The following NRG3 variants were observed in gnomAD, a reference collection of about 807,000 sequenced individuals.
NRG3 encodes neuregulin 3.
Under a neutral mutation model 66.9 loss-of-function variants are expected in NRG3, and 31 were observed. The observed-to-expected ratio is 0.46, with a 90% CI of 0.35 to 0.63. The LOEUF (loss-of-function observed/expected upper bound fraction) is 0.63, where lower values mean the gene tolerates loss of function less well. NRG3 is among the 20% of genes least tolerant of loss of function. The pLI is 0.00. For missense variants in NRG3, 910 were observed against 878.9 expected (o/e 1.04, Z -0.45); for synonymous variants, 393 against 359.4 (o/e 1.09, Z -1.06).
chr10:81,984,405 G>A (rs570009793), intron 1 of NRG3, among the ~76,000 whole-genome samples: 1 of 152,038 alleles, frequency 6.6e-6, no homozygotes, highest in Non-Finnish European at 1.5e-5. Flanking sequence ...TTCCGTATTT[G>A]CATCATGCTC....
rs1403534912 is a variant in NRG3 at position 82,986,608 on chromosome 10, C to T, written c.*1003C>T. 3 of 152,174 alleles carry T rather than the reference C, an allele frequency of 2.0e-5. No homozygotes were observed. The highest frequency in any genetic ancestry group is 1.5e-5 in the Non-Finnish European group (1 of 68,042). 9.4% of individuals were successfully genotyped at this position (152,174 alleles called of 1,614,324 possible). A position where few individuals can be genotyped will look rare whatever the true frequency, so the allele number is the denominator to read the frequency against. Reference sequence around the variant, plus strand: ...TCAGTTAGTTCTTAAATCAAGGTCACTTGCATGGTGGGGTCGTATAAAACT... The same window carrying T: ...TCAGTTAGTTCTTAAATCAAGGTCATTTGCATGGTGGGGTCGTATAAAACT... On this transcript the variant is annotated 3_prime_UTR_variant, in exon 9 of 9. Coordinates refer to ENST00000372141, the MANE Select transcript of NRG3 (RefSeq NM_001010848.4).
chr10:82,344,557 G>A (rs199708560), intron 1 of NRG3, among the ~76,000 whole-genome samples: 43,884 of 133,770 alleles, frequency 0.33, 10,568 homozygotes, highest in African/African-American at 0.68. Flanking sequence ...AGCATGATTT[G>A]TAGTCCTTTG....
intron 1 of NRG3, among the ~76,000 whole-genome samples, chr10:82,152,049 T>G (rs915348162): frequency 3.9e-5 from 6 of 152,172 alleles, no homozygotes; most frequent in African/African-American, 1.4e-4. Context: ...GTTGGCAAAC[T>G]TTTTCTGTAA....
At chr10:82,852,298 T>G (rs188059645) in intron 3 of NRG3, among the ~76,000 whole-genome samples, 312 of 151,552 alleles carry the variant, frequency 2.1e-3, no homozygotes, top group African/African-American at 7.2e-3. Context: ...GTCAGGGGCG[T>G]AGGGGGAAAG....
intron 1 of NRG3, among the ~76,000 whole-genome samples, chr10:81,938,720 T>G (rs1427957912): frequency 1.3e-5 from 2 of 151,866 alleles, no homozygotes; most frequent in Non-Finnish European, 2.9e-5. Context: ...TCATTTCACT[T>G]CTTCCTTTTC....
At chr10:81,918,382 G>A (rs946619412) in intron 1 of NRG3, among the ~76,000 whole-genome samples, 1 of 152,140 alleles carries the variant, frequency 6.6e-6, no homozygotes, top group Non-Finnish European at 1.5e-5. Flanking sequence ...ATATCTCTCT[G>A]TTATATGGGC....
intron 1 of NRG3, among the ~76,000 whole-genome samples, chr10:82,097,291 A>G (rs988428701): frequency 6.6e-6 from 1 of 150,578 alleles, no homozygotes; most frequent in African/African-American, 2.5e-5. Context: ...GTGATATTCA[A>G]TTGTATCTTT....
At chr10:81,956,512 A>T (rs1849847864) in intron 1 of NRG3, among the ~76,000 whole-genome samples, 1 of 152,182 alleles carries the variant, frequency 6.6e-6, no homozygotes, top group Non-Finnish European at 1.5e-5. Context: ...ATTGCAAGAT[A>T]ATGCATTAGC....
chr10:82,367,309 A>AT (rs2084598164), intron 2 of NRG3, among the ~76,000 whole-genome samples: 1 of 152,202 alleles, frequency 6.6e-6, no homozygotes, highest in Admixed American at 6.5e-5. Context: ...TAGCTATGCA[A>AT]AACCTAAAAT....
intron 3 of NRG3, among the ~76,000 whole-genome samples, chr10:82,849,355 G>A (rs1431584456): frequency 6.6e-6 from 1 of 152,118 alleles, no homozygotes; most frequent in Non-Finnish European, 1.5e-5. Flanking sequence ...CCACCTTCCA[G>A]AACTGAGAGA....
chr10:81,913,084 GA>G (rs35922207), intron 1 of NRG3, among the ~76,000 whole-genome samples: 4,725 of 151,948 alleles, frequency 0.031, 274 homozygotes, highest in African/African-American at 0.11. Context: ...GACCATTGGG[GA>G]AAAAAAGTCA....
chr10:81,930,628 G>C (rs1216893928), intron 1 of NRG3, among the ~76,000 whole-genome samples: 1 of 152,092 alleles, frequency 6.6e-6, no homozygotes, highest in Non-Finnish European at 1.5e-5. Context: ...TTTATTACTT[G>C]TCCCAAGGTA....
chr10:82,560,707 ATGGCT>A (rs1314363119), intron 2 of NRG3, among the ~76,000 whole-genome samples: 2 of 151,100 alleles, frequency 1.3e-5, no homozygotes, highest in Admixed American at 6.6e-5. Context: ...CATAATAGAA[ATGGCT>A]TTAGTATTTT....
intron 2 of NRG3, among the ~76,000 whole-genome samples, chr10:82,652,415 T>C (rs1476258869): frequency 1.3e-5 from 2 of 152,024 alleles, no homozygotes; most frequent in Non-Finnish European, 2.9e-5. Flanking sequence ...GAAGGGGAGC[T>C]GAAAAGGGGA....
intron 1 of NRG3, among the ~76,000 whole-genome samples, chr10:82,170,210 A>G (rs914214494): frequency 1.3e-5 from 2 of 152,018 alleles, no homozygotes; most frequent in Non-Finnish European, 2.9e-5. Context: ...TTCCTGGCCT[A>G]TGGGTTTCTG....
At chr10:82,774,982 A>T (rs900942286) in intron 3 of NRG3, among the ~76,000 whole-genome samples, 3 of 151,628 alleles carry the variant, frequency 2.0e-5, no homozygotes, top group Admixed American at 6.6e-5. Flanking sequence ...GCTTGCCACC[A>T]TGCCAGGCTA....
chr10:82,018,773 G>T (rs4469831), intron 1 of NRG3, among the ~76,000 whole-genome samples: 84,974 of 142,460 alleles, frequency 0.6, 25,221 homozygotes, highest in South Asian at 0.83. Context: ...TGTGATTTTT[G>T]CACATTGATT....
chr10:82,704,180 C>A (rs2056114972), intron 2 of NRG3, among the ~76,000 whole-genome samples: 1 of 152,096 alleles, frequency 6.6e-6, no homozygotes, highest in Non-Finnish European at 1.5e-5. Flanking sequence ...ATGCATTGTC[C>A]ATGCTGCTAG....
intron 1 of NRG3, among the ~76,000 whole-genome samples, chr10:81,945,893 G>T (rs1353665433): frequency 6.6e-6 from 1 of 152,096 alleles, no homozygotes; most frequent in Non-Finnish European, 1.5e-5. Context: ...TGAGATTGAT[G>T]TATCTATAAG....
Sources: gnomAD v4.1 joint callset for allele counts (sites outside exome capture counted in the v4.1 genomes callset) on GRCh38, gnomAD v4.1.1 for gene constraint, MANE v1.5 for transcripts, NCBI Gene and HGNC (gene_info 2026-07-23, HGNC 2026-07-21) for gene names.